Variants in OR4Q3 observed in about 807,000 individuals in gnomAD.
The protein encoded by OR4Q3 is olfactory receptor family 4 subfamily Q member 3.
In OR4Q3, 17 loss-of-function variants were observed where a neutral mutation model predicts 18.8. The observed-to-expected ratio is 0.91, with a 90% CI of 0.62 to 1.36. The LOEUF (loss-of-function observed/expected upper bound fraction) is 1.36. OR4Q3 is among the 40% of genes most tolerant of loss of function. The pLI, the probability that OR4Q3 is intolerant of heterozygous loss-of-function variation, is 0.00. For missense variants in OR4Q3, 378 were observed against 373.4 expected, an observed-to-expected ratio of 1.01 and a Z score of -0.10; for synonymous variants, 158 against 145.8, an observed-to-expected ratio of 1.08 and a Z score of -0.60.
chr14:19,746,959 G>T, intron 1 of OR4Q3, among the ~76,000 whole-genome samples: 2 of 152,122 alleles, frequency 1.3e-5, no homozygotes, highest in East Asian at 1.9e-4. Context: ...AAACAATCTT[G>T]GGAGATATTA....
chr14:19,749,829 TC>T, downstream of OR4Q3, among the ~76,000 whole-genome samples: 420 of 150,718 alleles, frequency 2.8e-3, 4 homozygotes, highest in South Asian at 0.036. Context: ...AGAGTATTTA[TC>T]CCAATTATAC....
chr14:19,744,103 G>A (rs1266703227), intron 1 of OR4Q3, among the ~76,000 whole-genome samples: 2 of 152,314 alleles, frequency 1.3e-5, no homozygotes, highest in African/African-American at 2.4e-5. Flanking sequence ...AGAATGCAAT[G>A]TTTCAAACAA....
downstream of OR4Q3, among the ~76,000 whole-genome samples, chr14:19,750,890 C>T: frequency 6.6e-6 from 1 of 152,190 alleles, no homozygotes; most frequent in African/African-American, 2.4e-5. Flanking sequence ...CGATGAATAT[C>T]CTGAAGAGCA....
exon 2 of OR4Q3, chr14:19,748,251 T>C: frequency 6.2e-7 from 1 of 1,613,856 alleles, no homozygotes; most frequent in South Asian, 1.1e-5. Flanking sequence ...TTCTCCTTGT[T>C]TTACACAGTG....
chr14:19,749,231 CAT>C, exon 2 of OR4Q3: 1 of 152,246 alleles, frequency 6.6e-6, no homozygotes, highest in Non-Finnish European at 1.5e-5. Flanking sequence ...GAGTCTCAAA[CAT>C]GCTTTGAGGA....
chr14:19,745,044 A>T, intron 1 of OR4Q3, among the ~76,000 whole-genome samples: 1 of 107,234 alleles, frequency 9.3e-6, no homozygotes, highest in East Asian at 1.9e-4. Context: ...TATTGTCATT[A>T]AAAAAATCCA....
At chr14:19,745,818 T>C in intron 1 of OR4Q3, among the ~76,000 whole-genome samples, 1 of 152,178 alleles carries the variant, frequency 6.6e-6, no homozygotes, top group South Asian at 2.1e-4. Flanking sequence ...CTAACTTGTA[T>C]TTCTTTCTTT....
chr14:19,749,304 C>T, exon 2 of OR4Q3: 2 of 152,210 alleles, frequency 1.3e-5, no homozygotes, highest in Non-Finnish European at 2.9e-5. Flanking sequence ...TGCCCATGAC[C>T]ACTTAGAAGA....
downstream of OR4Q3, among the ~76,000 whole-genome samples, chr14:19,752,327 A>G: frequency 6.6e-6 from 1 of 152,258 alleles, no homozygotes; most frequent in African/African-American, 2.4e-5. Context: ...ACAACAGACA[A>G]AAAACAAATA....
At chr14:19,750,132 T>C, downstream of OR4Q3, among the ~76,000 whole-genome samples, 3 of 151,808 alleles carry the variant, frequency 2.0e-5, no homozygotes, top group Admixed American at 2.0e-4. Flanking sequence ...TTACAGGTGC[T>C]GGCCACCATG....
At chr14:19,748,553 T>C in exon 2 of OR4Q3, 3 of 571,764 alleles carry the variant, frequency 5.2e-6, no homozygotes, top group Admixed American at 6.8e-5. Context: ...AAGCCACCTA[T>C]GCCTTTTGAC....
downstream of OR4Q3, among the ~76,000 whole-genome samples, chr14:19,751,528 G>A: frequency 6.7e-6 from 1 of 150,114 alleles, no homozygotes; most frequent in South Asian, 2.2e-4. Context: ...TTTTTGGTTA[G>A]TAGAGTTTTT....
intron 1 of OR4Q3, among the ~76,000 whole-genome samples, chr14:19,745,444 G>A: frequency 6.6e-6 from 1 of 152,092 alleles, no homozygotes; most frequent in African/African-American, 2.4e-5. Context: ...GGTATACTAT[G>A]CCTTCACATT....
chr14:19,744,823 TG>T, intron 1 of OR4Q3, among the ~76,000 whole-genome samples: 1 of 152,164 alleles, frequency 6.6e-6, no homozygotes, highest in Admixed American at 6.6e-5. Flanking sequence ...GGGTTAGTTT[TG>T]GGGTGTAGAC....
At position 19,747,405 on chromosome 14, in the gene OR4Q3, G is replaced by T; in HGVS notation, c.3-1G>T. Reference sequence around the variant, plus strand: ...CTTGTTCTGATTTAATTCTTCTTTAGGTCACTTGATATTCTTGGCTTGATG... The same window carrying T: ...CTTGTTCTGATTTAATTCTTCTTTATGTCACTTGATATTCTTGGCTTGATG... On this transcript the variant is annotated splice_acceptor_variant, in intron 1 of 1. Coordinates refer to ENST00000642117, the Ensembl canonical transcript of OR4Q3. LOFTEE classifies it high-confidence loss of function. 1 of 1,471,306 alleles carries T rather than the reference G, an allele frequency of 6.8e-7. No individual in the cohort carries two copies. The highest frequency in any genetic ancestry group is 9.3e-7 in the Non-Finnish European group (1 of 1,071,338). 91.1% of individuals were successfully genotyped at this position (1,471,306 alleles called of 1,614,324 possible).
intron 1 of OR4Q3, among the ~76,000 whole-genome samples, chr14:19,746,275 T>G: frequency 6.6e-6 from 1 of 152,176 alleles, no homozygotes; most frequent in Non-Finnish European, 1.5e-5. Flanking sequence ...CTACTAATTT[T>G]TAACTACTTC....
chr14:19,747,955 C>A lies in OR4Q3; in HGVS notation c.552C>A (p.Asp184Glu). ...CTTTCTGTGGGCCCAATGAACTGGA[C>A]AACTTCTACTGTGATGTCCCACAAG... The change falls in exon 2 of 2, where the codon GAC (aspartate) becomes GAA (glutamate). Residue 184 changes from aspartate to glutamate, a missense_variant. Coordinates refer to ENST00000642117, the Ensembl canonical transcript of OR4Q3. 50 of 1,614,046 alleles carry A rather than the reference C, an allele frequency of 3.1e-5. No individual in the cohort carries two copies. The South Asian group carries it at 3.2e-4, about 10-fold the overall frequency.
downstream of OR4Q3, chr14:19,749,604 C>CAAAAAAAAAAAAAGAAAAAAAAAA: frequency 2.9e-5 from 1 of 34,570 alleles, no homozygotes; most frequent in Non-Finnish European, 4.6e-5. Context: ...GGTCTCAAAG[C>CAAAAAAAAAAAAAGAAAAAAAAAA]AAAAAAAAAA....
At chr14:19,750,884 G>A, downstream of OR4Q3, among the ~76,000 whole-genome samples, 3 of 152,196 alleles carry the variant, frequency 2.0e-5, no homozygotes, top group African/African-American at 7.2e-5. Context: ...TGCATACGAT[G>A]AATATCCTGA....
Sources: allele counts gnomAD v4.1 joint callset (sites outside exome capture counted in the v4.1 genomes callset), GRCh38; gene constraint gnomAD v4.1.1; transcripts MANE v1.5; gene names NCBI Gene and HGNC (gene_info 2026-07-23, HGNC 2026-07-21).